CPE: variants seen among roughly 807,000 people sequenced by gnomAD.
CPE encodes the protein carboxypeptidase E.
A neutral mutation model predicts 53.5 loss-of-function variants in CPE; 17 were observed. The observed-to-expected ratio is 0.32, with a 90% CI of 0.22 to 0.48. CPE has a LOEUF of 0.48. Among genes scored for constraint, CPE ranks in the 20% least tolerant of loss-of-function variants. CPE has a pLI of 0.99. For missense variants in CPE, 524 were observed against 614.7 expected (o/e 0.85, Z 1.56); for synonymous variants, 226 against 228.8 (o/e 0.99, Z 0.11).
chr4:165,447,601 A>C (rs996349798), intron 1 of CPE, among the ~76,000 whole-genome samples: 1 of 151,560 alleles, frequency 6.6e-6, no homozygotes, highest in Non-Finnish European at 1.5e-5. Context: ...AAAAGAAAAG[A>C]AAAGAAATAT....
chr4:165,486,447 G>A (rs928744347), intron 5 of CPE, among the ~76,000 whole-genome samples: 1 of 152,076 alleles, frequency 6.6e-6, no homozygotes, highest in Non-Finnish European at 1.5e-5. Context: ...TAGTGTGAAA[G>A]GAAATTAAAT....
chr4:165,442,035 TGTTTTTTTTTTG>T lies in CPE; in HGVS notation c.308-22354_308-22343del, dbSNP rs1325610562. 1.4e-3 allele frequency among the ~76,000 whole-genome samples: 183 copies of T among 130,304 alleles called. 13 individuals carry two copies. The highest frequency in any genetic ancestry group is 9.1e-3 in the East Asian group (40 of 4,392). 85.5% of individuals were successfully genotyped at this position (130,304 alleles called of 152,430 possible). A position where few individuals can be genotyped will look rare whatever the true frequency, so the allele number is the denominator to read the frequency against. The stretch of plus-strand genomic sequence containing the variant: ...AGACGGTGAGTTTGTTTTTTTTTTT[TGTTTTTTTTTTG>T]TTTTTTTTTTTTTGAGACAGGGTCT... On this transcript the variant is annotated intron_variant, in intron 1 of 8. Coordinates refer to ENST00000402744, the MANE Select transcript of CPE (RefSeq NM_001873.4).
chr4:165,421,891 A>T (rs1163188502), intron 1 of CPE, among the ~76,000 whole-genome samples: 1 of 152,114 alleles, frequency 6.6e-6, no homozygotes, highest in African/African-American at 2.4e-5. Context: ...TTTTAACCTA[A>T]TTAATTATTT....
chr4:165,454,031 A>G (rs1180542682), intron 1 of CPE, among the ~76,000 whole-genome samples: 5 of 152,146 alleles, frequency 3.3e-5, no homozygotes, highest in Admixed American at 6.6e-5. Context: ...ATGTTTTACA[A>G]TCAGCTCTGA....
intron 1 of CPE, among the ~76,000 whole-genome samples, chr4:165,443,390 T>G (rs910093213): frequency 6.6e-6 from 1 of 152,220 alleles, no homozygotes; most frequent in Non-Finnish European, 1.5e-5. Flanking sequence ...AGTGATTCTA[T>G]TGTATTGCTT....
intron 1 of CPE, 116 bp from the exon 2 acceptor site, chr4:165,464,274 G>A (rs530609231): frequency 5.0e-6 from 4 of 794,616 alleles, no homozygotes; most frequent in South Asian, 4.6e-5. Flanking sequence ...TTTTTTTAAG[G>A]CATCGCTGCT....
intron 1 of CPE, among the ~76,000 whole-genome samples, chr4:165,436,498 T>A (rs1289346340): frequency 6.6e-6 from 1 of 152,174 alleles, no homozygotes; most frequent in African/African-American, 2.4e-5. Flanking sequence ...TTCCTGATCT[T>A]TACAACTAGA....
chr4:165,382,632 A>G (rs911583753), intron 1 of CPE, among the ~76,000 whole-genome samples: 6 of 152,206 alleles, frequency 3.9e-5, no homozygotes, highest in African/African-American at 1.4e-4. Flanking sequence ...AGAAAATACA[A>G]CAACATACCC....
chr4:165,462,502 A>G (rs1732025774), intron 1 of CPE, among the ~76,000 whole-genome samples: 1 of 152,156 alleles, frequency 6.6e-6, no homozygotes, highest in Non-Finnish European at 1.5e-5. Context: ...TTGTGAAGCC[A>G]GCTTCTAATA....
chr4:165,488,757 G>A (rs1054406020), intron 6 of CPE, among the ~76,000 whole-genome samples: 1 of 151,816 alleles, frequency 6.6e-6, no homozygotes, highest in Non-Finnish European at 1.5e-5. Context: ...GTAAAACCAG[G>A]AGTTGAATCC....
At chr4:165,387,236 G>A (rs559854857) in intron 1 of CPE, among the ~76,000 whole-genome samples, 1 of 152,258 alleles carries the variant, frequency 6.6e-6, no homozygotes, top group Non-Finnish European at 1.5e-5. Flanking sequence ...ATCTTTGAAG[G>A]GTAGGGTGGC....
intron 1 of CPE, among the ~76,000 whole-genome samples, chr4:165,397,535 A>T (rs1168212116): frequency 1.3e-5 from 2 of 152,142 alleles, no homozygotes; most frequent in Admixed American, 1.3e-4. Flanking sequence ...GTTCCTTCTT[A>T]CCATGTGACT....
chr4:165,401,188 C>G (rs2126661318), intron 1 of CPE, among the ~76,000 whole-genome samples: 1 of 152,294 alleles, frequency 6.6e-6, no homozygotes, highest in East Asian at 1.9e-4. Flanking sequence ...CTTCTGTACA[C>G]CCTGTAAGTG....
chr4:165,416,255 G>A (rs1731119975), intron 1 of CPE, among the ~76,000 whole-genome samples: 1 of 152,150 alleles, frequency 6.6e-6, no homozygotes, highest in East Asian at 1.9e-4. Context: ...ACATGGGAGG[G>A]TCTTCACCGA....
At chr4:165,393,350 T>C (rs971617301) in intron 1 of CPE, among the ~76,000 whole-genome samples, 2 of 152,174 alleles carry the variant, frequency 1.3e-5, no homozygotes, top group African/African-American at 4.8e-5. Context: ...TATGCAGAAA[T>C]ATTTAGTATT....
intron 1 of CPE, among the ~76,000 whole-genome samples, chr4:165,440,490 C>T (rs570075401): frequency 6.8e-6 from 1 of 147,410 alleles, no homozygotes; most frequent in Non-Finnish European, 1.5e-5. Context: ...GTTTCTGGAA[C>T]AGTGGTCTGG....
At chr4:165,443,758 A>G (rs893693130) in intron 1 of CPE, among the ~76,000 whole-genome samples, 3 of 152,202 alleles carry the variant, frequency 2.0e-5, no homozygotes, top group Non-Finnish European at 4.4e-5. Context: ...AGGCTTTGCT[A>G]TGGTCTGAAT....
chr4:165,466,001 T>C lies in CPE; in HGVS notation c.504+1415T>C, dbSNP rs115651322. Among the ~76,000 whole-genome samples, 1,228 of 152,332 alleles carry C rather than the reference T, an allele frequency of 8.1e-3. 13 individuals carry two copies. The highest frequency in any genetic ancestry group is 0.028 in the African/African-American group (1,153 of 41,578). On this transcript the variant is annotated intron_variant, in intron 2 of 8. Coordinates refer to ENST00000402744, the MANE Select transcript of CPE (RefSeq NM_001873.4). Reference sequence around the variant, plus strand: ...TATATTATTAACATTTAAAATATTATTCATCGAACATATTTTCAAAATACT... The same window carrying C: ...TATATTATTAACATTTAAAATATTACTCATCGAACATATTTTCAAAATACT...
intron 1 of CPE, chr4:165,405,442 C>G (rs1730937760): frequency 1.2e-6 from 1 of 868,236 alleles, no homozygotes; most frequent in South Asian, 1.3e-5. Context: ...CAGTCTTTAC[C>G]ACATCAATTA....
Sources: allele counts gnomAD v4.1 joint callset (sites outside exome capture counted in the v4.1 genomes callset), GRCh38; gene constraint gnomAD v4.1.1; transcripts MANE v1.5; gene names NCBI Gene and HGNC (gene_info 2026-07-23, HGNC 2026-07-21).